The following OPCML variants were observed in gnomAD, a reference collection of about 807,000 sequenced individuals.
OPCML encodes opioid binding protein/cell adhesion molecule like.
Under a neutral mutation model 37.8 loss-of-function variants are expected in OPCML, and 13 were observed. That is an observed-to-expected ratio of 0.34 (90% CI 0.22 to 0.55). The LOEUF is 0.55. Among genes scored for constraint, OPCML ranks in the 20% least tolerant of loss-of-function variants. OPCML has a pLI of 0.91. For synonymous variants in OPCML, 176 were observed against 168.8 expected, an observed-to-expected ratio of 1.04 and a Z score of -0.33; for missense variants, 341 against 435.6, an observed-to-expected ratio of 0.78 and a Z score of 1.93.
At chr11:132,538,157 T>G (rs547788874) in intron 3 of OPCML, among the ~76,000 whole-genome samples, 22 of 152,148 alleles carry the variant, frequency 1.4e-4, no homozygotes, top group Admixed American at 1.4e-3. Flanking sequence ...TTAAAACAAG[T>G]CAAATATCTA....
intron 1 of OPCML, among the ~76,000 whole-genome samples, chr11:133,139,270 A>T (rs1238826619): frequency 6.6e-6 from 1 of 152,230 alleles, no homozygotes; most frequent in African/African-American, 2.4e-5. Context: ...TTGCACAGCA[A>T]AACAATAATC....
intron 2 of OPCML, among the ~76,000 whole-genome samples, chr11:132,883,373 A>C (rs1943289646): frequency 6.6e-6 from 1 of 152,172 alleles, no homozygotes; most frequent in Admixed American, 6.5e-5. Context: ...GTGAATTAGG[A>C]ACACACCCGC....
At chr11:133,261,233 C>T (rs967610201) in intron 1 of OPCML, among the ~76,000 whole-genome samples, 7 of 152,216 alleles carry the variant, frequency 4.6e-5, no homozygotes, top group African/African-American at 1.7e-4. Context: ...AATATGGCCA[C>T]CTCTTGGATC....
At chr11:132,703,634 A>C (rs1943916910) in intron 2 of OPCML, among the ~76,000 whole-genome samples, 1 of 152,188 alleles carries the variant, frequency 6.6e-6, no homozygotes, top group Non-Finnish European at 1.5e-5. Context: ...GATCCGGTGC[A>C]TATGTCAGTG....
intron 1 of OPCML, among the ~76,000 whole-genome samples, chr11:133,083,933 A>T (rs1948779704): frequency 6.6e-6 from 1 of 152,202 alleles, no homozygotes; most frequent in African/African-American, 2.4e-5. Flanking sequence ...AATCATATAC[A>T]GCCTTGTGAC....
At chr11:133,237,927 AC>A (rs1166102417) in intron 1 of OPCML, among the ~76,000 whole-genome samples, 1 of 152,106 alleles carries the variant, frequency 6.6e-6, no homozygotes, top group East Asian at 1.9e-4. Flanking sequence ...GATAATAGCT[AC>A]TCTTTATTGC....
At chr11:133,130,728 G>A (rs1209191203) in intron 1 of OPCML, among the ~76,000 whole-genome samples, 12 of 152,108 alleles carry the variant, frequency 7.9e-5, no homozygotes, top group African/African-American at 1.2e-4. Flanking sequence ...TGTTATTAGC[G>A]AAGGAACAGA....
intron 2 of OPCML, among the ~76,000 whole-genome samples, chr11:132,864,921 A>G (rs933481825): frequency 7.9e-5 from 12 of 152,212 alleles, no homozygotes; most frequent in African/African-American, 2.7e-4. Flanking sequence ...GAAATGCCCT[A>G]TGAGTGAAGG....
At chr11:132,966,580 T>C (rs1368022007) in intron 1 of OPCML, among the ~76,000 whole-genome samples, 8 of 152,112 alleles carry the variant, frequency 5.3e-5, no homozygotes, top group Admixed American at 3.9e-4. Flanking sequence ...TGGTTCATAA[T>C]GGTGTTCTTA....
chr11:133,351,100 A>C (rs1944126771), intron 1 of OPCML, among the ~76,000 whole-genome samples: 1 of 152,218 alleles, frequency 6.6e-6, no homozygotes, highest in Admixed American at 6.5e-5. Flanking sequence ...ACTGAGTTAC[A>C]AAGCAGGACC....
At chr11:132,874,883 C>T (rs888330112) in intron 2 of OPCML, among the ~76,000 whole-genome samples, 6 of 152,128 alleles carry the variant, frequency 3.9e-5, no homozygotes, top group Admixed American at 3.3e-4. Context: ...TTAGCTCTTA[C>T]CACAACTAAA....
chr11:132,554,050 T>C (rs537765416), intron 3 of OPCML, among the ~76,000 whole-genome samples: 1 of 152,294 alleles, frequency 6.6e-6, no homozygotes, highest in East Asian at 1.9e-4. Flanking sequence ...TGGGAAATGC[T>C]CTGCCTGCCT....
chr11:133,471,473 T>C (rs572925496), intron 1 of OPCML, among the ~76,000 whole-genome samples: 4 of 152,290 alleles, frequency 2.6e-5, no homozygotes, highest in Admixed American at 6.5e-5. Flanking sequence ...TGTATATGCA[T>C]ATAAGATTTT....
chr11:133,018,080 G>T (rs79565848), intron 1 of OPCML, among the ~76,000 whole-genome samples: 1 of 152,156 alleles, frequency 6.6e-6, no homozygotes, highest in African/African-American at 2.4e-5. Context: ...CAAGGGTGGG[G>T]ATCTCTCTTG....
intron 1 of OPCML, chr11:133,025,175 A>C (rs2136910540): frequency 1.9e-6 from 1 of 538,998 alleles, no homozygotes; most frequent in Middle Eastern, 9.5e-4. Flanking sequence ...AATGGTAAGC[A>C]TAAATACGCA....
intron 1 of OPCML, among the ~76,000 whole-genome samples, chr11:133,496,334 G>A (rs901922386): frequency 6.6e-6 from 1 of 152,186 alleles, no homozygotes; most frequent in Non-Finnish European, 1.5e-5. Context: ...CAGGTAGTGT[G>A]ACGCCTCCAG....
intron 1 of OPCML, among the ~76,000 whole-genome samples, chr11:133,382,257 T>C (rs754777079): frequency 9.9e-5 from 15 of 152,130 alleles, no homozygotes; most frequent in Non-Finnish European, 1.2e-4. Flanking sequence ...GTGGATGCCG[T>C]GCATTTAATA....
At chr11:133,213,893 C>T (rs553866851) in intron 1 of OPCML, among the ~76,000 whole-genome samples, 19 of 152,152 alleles carry the variant, frequency 1.2e-4, no homozygotes, top group Middle Eastern at 3.4e-3. Flanking sequence ...AAAACAGTAG[C>T]GTGTCACTAT....
intron 1 of OPCML, among the ~76,000 whole-genome samples, chr11:133,276,997 A>G (rs1942013178): frequency 6.6e-6 from 1 of 152,184 alleles, no homozygotes; most frequent in Admixed American, 6.5e-5. Context: ...TCCTGTCGGT[A>G]TTTCAAATGT....
Sources: allele counts gnomAD v4.1 joint callset (sites outside exome capture counted in the v4.1 genomes callset), GRCh38; gene constraint gnomAD v4.1.1; transcripts MANE v1.5; gene names NCBI Gene and HGNC (gene_info 2026-07-23, HGNC 2026-07-21).